ETV7: variants seen among roughly 807,000 people sequenced by gnomAD.
The protein encoded by ETV7 is ETS variant transcription factor 7.
Under a neutral mutation model 39.1 loss-of-function variants are expected in ETV7, and 43 were observed. The ratio of observed to expected loss-of-function variants is 1.10; its 90% CI spans 0.86 to 1.42. ETV7 has a LOEUF of 1.42. Among genes scored for constraint, ETV7 ranks in the 40% most tolerant of loss-of-function variants. The probability of loss-of-function intolerance (pLI) is 0.00; values close to 1 mark genes in which losing one functional copy is unlikely to be tolerated. For missense variants in ETV7, 432 were observed against 442.3 expected (o/e 0.98, Z 0.21); for synonymous variants, 196 against 176.6 (o/e 1.11, Z -0.87).
At chr6:36,385,174 A>T (rs993241915) in intron 2 of ETV7, among the ~76,000 whole-genome samples, 3 of 149,420 alleles carry the variant, frequency 2.0e-5, no homozygotes, top group East Asian at 3.9e-4. Context: ...CTCTTATTTA[A>T]AAAAAAATTT....
At chr6:36,363,406 C>T (rs577291773), downstream of ETV7, among the ~76,000 whole-genome samples, 10 of 151,810 alleles carry the variant, frequency 6.6e-5, no homozygotes, top group Middle Eastern at 3.4e-3. Context: ...TCGCTGGCTC[C>T]AGGAGTGAAG....
chr6:36,383,404 C>T (rs1405205425), intron 2 of ETV7, among the ~76,000 whole-genome samples: 1 of 152,154 alleles, frequency 6.6e-6, no homozygotes. Context: ...GGAAAATCAA[C>T]ACAAAAAAAG....
intron 6 of ETV7, among the ~76,000 whole-genome samples, chr6:36,368,504 T>C (rs10456084): frequency 0.048 from 7,282 of 152,246 alleles, 221 homozygotes; most frequent in Middle Eastern, 0.085. Flanking sequence ...CATTTAGGTA[T>C]AGGCATTCCT....
At chr6:36,372,896 G>T (rs931614978) in intron 4 of ETV7, among the ~76,000 whole-genome samples, 14 of 151,570 alleles carry the variant, frequency 9.2e-5, no homozygotes, top group Admixed American at 2.6e-4. Flanking sequence ...AGATGAGATT[G>T]CCCAGCATCT....
At chr6:36,375,820 C>T (rs769322774) in intron 3 of ETV7, 51 bp downstream of exon 3, 2 of 1,612,090 alleles carry the variant, frequency 1.2e-6, no homozygotes, top group East Asian at 2.2e-5. Flanking sequence ...CTTGGGCCAT[C>T]CTGGCCTACC....
chr6:36,355,812 G>A (rs879395224), intron 7 of ETV7, among the ~76,000 whole-genome samples: 13 of 152,134 alleles, frequency 8.5e-5, no homozygotes, highest in Admixed American at 6.5e-4. Flanking sequence ...TGGCATTGTC[G>A]ATTGATCCTG....
At chr6:36,376,818 C>T (rs1339671824) in intron 2 of ETV7, among the ~76,000 whole-genome samples, 3 of 151,294 alleles carry the variant, frequency 2.0e-5, no homozygotes, top group Admixed American at 1.3e-4. Flanking sequence ...TATTGTTTCC[C>T]AAATGAGGCA....
chr6:36,357,850 C>G (rs928204610), intron 7 of ETV7, among the ~76,000 whole-genome samples: 2 of 152,106 alleles, frequency 1.3e-5, no homozygotes, highest in African/African-American at 4.8e-5. Flanking sequence ...TGCACTCCAG[C>G]CCAGGTGACA....
rs140374874 is a variant in ETV7, at chr6:36,376,695, G to A, written c.143-660C>T. ...GGAGGCTGAAGCAGGTGAATCGCTCGAACCCGGGAAGCAGAGGTTGCAGTG... is the reference window on the plus strand; with the variant it reads ...GGAGGCTGAAGCAGGTGAATCGCTCAAACCCGGGAAGCAGAGGTTGCAGTG... On this transcript the variant is annotated intron_variant, in intron 2 of 7. Transcript: ENST00000340181. 2.9e-3 allele frequency among the ~76,000 whole-genome samples: 430 copies of A among 150,844 alleles called. 1 individual carries two copies. The highest frequency in any genetic ancestry group is 9.1e-3 in the African/African-American group (374 of 41,020).
chr6:36,370,330 T>A (rs1387192481), intron 5 of ETV7, among the ~76,000 whole-genome samples: 1 of 150,582 alleles, frequency 6.6e-6, no homozygotes, highest in Non-Finnish European at 1.5e-5. Flanking sequence ...AGGTCAGGAG[T>A]TCAAGACCAG....
At chr6:36,374,988 G>C (rs1364259087) in intron 3 of ETV7, among the ~76,000 whole-genome samples, 2 of 150,786 alleles carry the variant, frequency 1.3e-5, no homozygotes, top group Admixed American at 1.3e-4. Context: ...GGAATCGCTT[G>C]AACCTGGGAG....
intron 3 of ETV7, among the ~76,000 whole-genome samples, chr6:36,374,805 C>T (rs893006732): frequency 2.0e-5 from 3 of 152,164 alleles, no homozygotes; most frequent in Non-Finnish European, 2.9e-5. Flanking sequence ...AGCAGTGGCT[C>T]ATGCCTGTAA....
intron 2 of ETV7, among the ~76,000 whole-genome samples, chr6:36,381,039 C>T (rs1010033146): frequency 2.0e-5 from 3 of 152,164 alleles, no homozygotes; most frequent in African/African-American, 7.2e-5. Flanking sequence ...CTATTTCCCA[C>T]CACTTCCCAC....
chr6:36,362,356 G>A (rs1206466583), downstream of ETV7, among the ~76,000 whole-genome samples: 5 of 151,786 alleles, frequency 3.3e-5, no homozygotes, highest in Admixed American at 1.3e-4. Flanking sequence ...CCAGCTACTC[G>A]GGAGGCTGAG....
At chr6:36,363,463 T>C (rs1373621067), downstream of ETV7, among the ~76,000 whole-genome samples, 1 of 151,766 alleles carries the variant, frequency 6.6e-6, no homozygotes, top group Non-Finnish European at 1.5e-5. Flanking sequence ...GCAGCACATC[T>C]GGAGTCATTC....
At chr6:36,387,348 C>T (rs1773962448) in intron 1 of ETV7, among the ~76,000 whole-genome samples, 188 bp downstream of exon 1, 1 of 151,258 alleles carries the variant, frequency 6.6e-6, no homozygotes, top group African/African-American at 2.4e-5. Context: ...GGGGCGGTGA[C>T]CCGCGTCTGG....
chr6:36,363,232 G>A (rs1048688867), downstream of ETV7, among the ~76,000 whole-genome samples: 6 of 152,236 alleles, frequency 3.9e-5, no homozygotes, highest in African/African-American at 1.2e-4. Flanking sequence ...GGCGCATCTG[G>A]AGTTTGTTCT....
chr6:36,362,355 C>T (rs1164142546), downstream of ETV7, among the ~76,000 whole-genome samples: 7 of 151,284 alleles, frequency 4.6e-5, no homozygotes, highest in African/African-American at 1.2e-4. Context: ...CCCAGCTACT[C>T]GGGAGGCTGA....
chr6:36,363,595 G>A (rs958313053), downstream of ETV7, among the ~76,000 whole-genome samples: 12 of 152,224 alleles, frequency 7.9e-5, no homozygotes, highest in East Asian at 5.8e-4. Context: ...AAGCTCCCAC[G>A]GTGTCAAAGG....
Sources: allele counts gnomAD v4.1 joint callset (sites outside exome capture counted in the v4.1 genomes callset), GRCh38; gene constraint gnomAD v4.1.1; transcripts MANE v1.5; gene names NCBI Gene and HGNC (gene_info 2026-07-23, HGNC 2026-07-21).